BAZ2B: variants seen among roughly 807,000 people sequenced by gnomAD.
BAZ2B encodes bromodomain adjacent to zinc finger domain 2B.
In BAZ2B, 91 loss-of-function variants were observed where a neutral mutation model predicts 246.0. The ratio of observed to expected loss-of-function variants is 0.37; its 90% CI spans 0.31 to 0.44. BAZ2B has a LOEUF of 0.44. Among genes scored for constraint, BAZ2B ranks in the 20% least tolerant of loss-of-function variants. BAZ2B has a pLI of 1.00. For synonymous variants in BAZ2B, 855 were observed against 860.0 expected (o/e 0.99, Z 0.10); for missense variants, 2,332 against 2,533.7 (o/e 0.92, Z 1.71).
intron 1 of BAZ2B, among the ~76,000 whole-genome samples, chr2:159,597,616 T>C (rs1215232816): frequency 1.3e-5 from 2 of 152,180 alleles, no homozygotes; most frequent in Non-Finnish European, 2.9e-5. Context: ...GACCTTCGCC[T>C]TCTAGGTTCA....
At chr2:159,513,691 T>C (rs975170866) in intron 2 of BAZ2B, among the ~76,000 whole-genome samples, 1 of 152,206 alleles carries the variant, frequency 6.6e-6, no homozygotes, top group Non-Finnish European at 1.5e-5. Flanking sequence ...AGAATTTAAC[T>C]GCTACTAGGC....
intron 34 of BAZ2B, among the ~76,000 whole-genome samples, chr2:159,331,544 A>G (rs2064789667): frequency 6.6e-6 from 1 of 152,026 alleles, no homozygotes; most frequent in African/African-American, 2.4e-5. Flanking sequence ...CCTGGCTAAA[A>G]TTTTGTATTT....
intron 3 of BAZ2B, among the ~76,000 whole-genome samples, chr2:159,469,728 A>G (rs2077542929): frequency 6.6e-6 from 1 of 152,162 alleles, no homozygotes; most frequent in Non-Finnish European, 1.5e-5. Context: ...GGCATGAGCC[A>G]CCATGCCCGG....
intron 1 of BAZ2B, among the ~76,000 whole-genome samples, chr2:159,610,405 C>T (rs2151813568): frequency 6.6e-6 from 1 of 152,298 alleles, no homozygotes; most frequent in African/African-American, 2.4e-5. Flanking sequence ...GTTCTTTACA[C>T]CAAACTGACT....
chr2:159,697,442 A>C, the BAZ2B span, among the ~76,000 whole-genome samples: 1 of 152,226 alleles, frequency 6.6e-6, no homozygotes, highest in African/African-American at 2.4e-5. Flanking sequence ...AATAGAAAAA[A>C]ACACTGTTCA....
chr2:159,599,242 C>T (rs1462818875), intron 1 of BAZ2B, among the ~76,000 whole-genome samples: 1 of 152,194 alleles, frequency 6.6e-6, no homozygotes, highest in Non-Finnish European at 1.5e-5. Flanking sequence ...CCCTGGAAAA[C>T]TAGCCTGGTC....
intron 1 of BAZ2B, among the ~76,000 whole-genome samples, chr2:159,590,908 T>C (rs1247800404): frequency 6.6e-6 from 1 of 152,210 alleles, no homozygotes; most frequent in African/African-American, 2.4e-5. Context: ...GAATCATTTT[T>C]ACATTTAAAA....
intron 2 of BAZ2B, among the ~76,000 whole-genome samples, chr2:159,488,367 C>A (rs1438136019): frequency 6.6e-6 from 1 of 152,118 alleles, no homozygotes; most frequent in Non-Finnish European, 1.5e-5. Flanking sequence ...GCTACCGCAC[C>A]CACCAATAAT....
At chr2:159,625,420 C>T in the BAZ2B span, among the ~76,000 whole-genome samples, 2 of 152,082 alleles carry the variant, frequency 1.3e-5, no homozygotes, top group South Asian at 4.2e-4. Context: ...TTAAGGGCAG[C>T]CAGACAGAAA....
At chr2:159,348,197 G>A (rs1575866359) in intron 30 of BAZ2B, among the ~76,000 whole-genome samples, 2 of 151,698 alleles carry the variant, frequency 1.3e-5, no homozygotes, top group South Asian at 2.1e-4. Context: ...GCATGTGCCT[G>A]TAGTCCCAGC....
At chr2:159,538,355 CCA>C (rs761708522) in intron 2 of BAZ2B, among the ~76,000 whole-genome samples, 3 of 152,170 alleles carry the variant, frequency 2.0e-5, no homozygotes, top group Non-Finnish European at 1.5e-5. Flanking sequence ...TTGCACAACA[CCA>C]CAGTCTTTTT....
At chr2:159,591,886 T>G (rs1456901511) in intron 1 of BAZ2B, among the ~76,000 whole-genome samples, 2 of 152,222 alleles carry the variant, frequency 1.3e-5, no homozygotes, top group Non-Finnish European at 2.9e-5. Context: ...ACATGGCCCT[T>G]TAAGCTAAGC....
Position 159,439,161 on chromosome 2 carries a change from C to A in BAZ2B, c.748G>T (p.Gly250Cys). 1 of 1,614,022 alleles carries A rather than the reference C, an allele frequency of 6.2e-7. No individual in the cohort carries two copies. The highest frequency in any genetic ancestry group is 8.5e-7 in the Non-Finnish European group (1 of 1,179,934). ...TCACTTGAGGTGTCTGATGATGTGC[C>A]TGAATCACTATCACTGTTGCTAGAA... ...ESSSNSDSDS[G>C]TSSDTSSEGI... Residue 250 changes from glycine to cysteine, a missense_variant, in exon 7 of 37, where the codon GGC becomes TGC. Physicochemically the swap from Gly to Cys is radical, Grantham distance 159. Around this residue, in one of 9 missense-constraint regions of BAZ2B, gnomAD observed 161 missense variants for 225.8 expected, o/e 0.71. Coordinates refer to ENST00000392783, the MANE Select transcript of BAZ2B (RefSeq NM_013450.4).
At chr2:159,550,016 G>A (rs2087949440) in intron 2 of BAZ2B, among the ~76,000 whole-genome samples, 1 of 151,918 alleles carries the variant, frequency 6.6e-6, no homozygotes, top group African/African-American at 2.4e-5. Context: ...TAGAGATGGG[G>A]TTTTGCCATG....
the BAZ2B span, among the ~76,000 whole-genome samples, chr2:159,669,762 T>C: frequency 0.31 from 47,606 of 152,066 alleles, 9,406 homozygotes; most frequent in Admixed American, 0.48. Flanking sequence ...TTTCAATATA[T>C]TTGTATTTTT....
At chr2:159,397,182 C>A in intron 19 of BAZ2B, 163 bp downstream of exon 19, 3 of 1,359,284 alleles carry the variant, frequency 2.2e-6, no homozygotes, top group East Asian at 2.6e-5. Flanking sequence ...CAAAAAGACA[C>A]CAATACCAAA....
At chr2:159,487,329 T>C (rs184388120) in intron 2 of BAZ2B, among the ~76,000 whole-genome samples, 66 of 152,276 alleles carry the variant, frequency 4.3e-4, no homozygotes, top group African/African-American at 1.4e-3. Flanking sequence ...GTTTTGTACA[T>C]TGTGATTCTA....
chr2:159,510,651 T>C (rs888763621), intron 2 of BAZ2B, among the ~76,000 whole-genome samples: 2 of 152,158 alleles, frequency 1.3e-5, no homozygotes, highest in African/African-American at 4.8e-5. Flanking sequence ...GTAAAAAAAA[T>C]GTAATATACC....
chr2:159,537,750 T>C (rs1035684740), intron 2 of BAZ2B, among the ~76,000 whole-genome samples: 3 of 152,216 alleles, frequency 2.0e-5, no homozygotes, highest in African/African-American at 7.2e-5. Flanking sequence ...CTCTCCAGCT[T>C]CCAGAATTTT....
Sources: gnomAD v4.1 joint callset for allele counts (sites outside exome capture counted in the v4.1 genomes callset) on GRCh38, gnomAD v4.1.1 for gene constraint, gnomAD v4.1.1 regional missense constraint, MANE v1.5 for transcripts, NCBI Gene and HGNC (gene_info 2026-07-23, HGNC 2026-07-21) for gene names.